NSD1: variants seen among roughly 807,000 people sequenced by gnomAD.
NSD1 encodes the protein nuclear receptor binding SET domain protein 1.
NSD1 carries 26 observed loss-of-function variants against 242.7 expected under a neutral mutation model. The ratio of observed to expected loss-of-function variants is 0.11; its 90% CI spans 0.08 to 0.15. NSD1 has a LOEUF of 0.15. Ranked by LOEUF, NSD1 falls within the 10% of genes least tolerant of loss-of-function variation. NSD1 has a pLI of 1.00. For missense variants in NSD1, 2,495 were observed against 3,272.8 expected (o/e 0.76, Z 5.80); for synonymous variants, 1,106 against 1,178.1 (o/e 0.94, Z 1.25).
At chr5:177,264,762 CA>C in intron 14 of NSD1, 1 of 733,970 alleles carries the variant, frequency 1.4e-6, no homozygotes, top group Non-Finnish European at 2.5e-6. Flanking sequence ...TGTAATTCGC[CA>C]AAATGACAAA....
At chr5:177,245,157 C>T (rs1766179054) in intron 9 of NSD1, among the ~76,000 whole-genome samples, 1 of 152,034 alleles carries the variant, frequency 6.6e-6, no homozygotes, top group South Asian at 2.1e-4. Context: ...TCCCTTGAAC[C>T]CGAGAGGTTG....
intron 3 of NSD1, among the ~76,000 whole-genome samples, chr5:177,194,068 C>T (rs1226149565): frequency 1.3e-5 from 2 of 152,202 alleles, no homozygotes; most frequent in Non-Finnish European, 2.9e-5. Context: ...TGAGCCACCA[C>T]ACCTGGCTGA....
chr5:177,262,438 A>G (rs1379211584), intron 14 of NSD1, among the ~76,000 whole-genome samples: 1 of 152,076 alleles, frequency 6.6e-6, no homozygotes, highest in Non-Finnish European at 1.5e-5. Context: ...CTGACCTCAT[A>G]AACAAAACAA....
intron 8 of NSD1, 143 bp from the exon 9 acceptor site, chr5:177,244,052 T>TGTG: frequency 1.5e-6 from 1 of 685,562 alleles, no homozygotes; most frequent in South Asian, 1.6e-5. Context: ...AACCCTTTAC[T>TGTG]GTGGTCAGGT....
chr5:177,259,832 T>C (rs1581467717), intron 13 of NSD1, among the ~76,000 whole-genome samples, 157 bp from the exon 14 acceptor site: 3 of 152,260 alleles, frequency 2.0e-5, no homozygotes, highest in East Asian at 3.8e-4. Flanking sequence ...CTGAGTTTTC[T>C]TGATGGATCG....
chr5:177,234,469 C>A (rs1765290162), intron 5 of NSD1, among the ~76,000 whole-genome samples: 1 of 152,200 alleles, frequency 6.6e-6, no homozygotes, highest in East Asian at 1.9e-4. Context: ...GTAATCCCAG[C>A]ACTTTGGGAG....
At chr5:177,168,128 T>C (rs1028426463) in intron 2 of NSD1, among the ~76,000 whole-genome samples, 3 of 152,232 alleles carry the variant, frequency 2.0e-5, no homozygotes, top group Non-Finnish European at 2.9e-5. Context: ...TTGGGATGTC[T>C]TCCCATTTCT....
chr5:177,184,255 G>A (rs1222901662), intron 2 of NSD1, among the ~76,000 whole-genome samples: 1 of 152,144 alleles, frequency 6.6e-6, no homozygotes, highest in African/African-American at 2.4e-5. Context: ...AACAACGTAT[G>A]AGGGTTCCCT....
At chr5:177,180,364 C>T (rs1488287977) in intron 2 of NSD1, among the ~76,000 whole-genome samples, 1 of 152,130 alleles carries the variant, frequency 6.6e-6, no homozygotes, top group Non-Finnish European at 1.5e-5. Flanking sequence ...CCTTGGCCTC[C>T]CAAAGTGCTG....
intron 17 of NSD1, among the ~76,000 whole-genome samples, chr5:177,277,729 T>G (rs901197713): frequency 6.6e-5 from 10 of 151,966 alleles, no homozygotes; most frequent in Admixed American, 3.9e-4. Context: ...AAAAAAAATT[T>G]GGGGTGCCTG....
At chr5:177,206,672 G>A (rs1762890044) in intron 4 of NSD1, among the ~76,000 whole-genome samples, 1 of 152,126 alleles carries the variant, frequency 6.6e-6, no homozygotes, top group East Asian at 1.9e-4. Context: ...GATGAAAGAG[G>A]TTAACGGCTT....
rs1474454763 is a variant in NSD1 at position 177,135,996 on chromosome 5, C to G, written c.893C>G (p.Thr298Ser). The change falls in exon 2 of 23, where the codon ACT becomes AGT. Residue 298 changes from threonine (T) to serine (S), a missense_variant. Thr to Ser is a moderately conservative substitution (Grantham distance 58, BLOSUM62 1). Transcript: ENST00000439151. ...GGAAACATGCTAGAATTACCTGGAA[C>G]TTCATCATCATCTACTTCACAGGAA... ...TLGNMLELPGTSSSSTSQELP... is the reference protein window; with the variant it reads ...TLGNMLELPGSSSSSTSQELP... 1 of 1,614,026 alleles carries G rather than the reference C, an allele frequency of 6.2e-7. No homozygotes were observed. Among genetic ancestry groups the G allele is most frequent in the Non-Finnish European group, 8.5e-7 (1 of 1,179,994 alleles).
intron 19 of NSD1, 105 bp downstream of exon 19, chr5:177,282,686 T>G: frequency 1.1e-6 from 1 of 891,156 alleles, no homozygotes; most frequent in Non-Finnish European, 1.9e-6. Flanking sequence ...GGTAGGGTCT[T>G]TTCCCATACC....
At chr5:177,153,561 T>G (rs12518119) in intron 2 of NSD1, among the ~76,000 whole-genome samples, 1 of 152,296 alleles carries the variant, frequency 6.6e-6, no homozygotes, top group East Asian at 1.9e-4. Flanking sequence ...ACATATTAAA[T>G]TTCTGTCTCA....
At chr5:177,189,607 A>G (rs1376778135) in intron 2 of NSD1, among the ~76,000 whole-genome samples, 1 of 152,198 alleles carries the variant, frequency 6.6e-6, no homozygotes, top group East Asian at 1.9e-4. Context: ...TGGTTCTGTC[A>G]CTTAATAACT....
intron 3 of NSD1, among the ~76,000 whole-genome samples, chr5:177,193,059 T>A (rs957335532): frequency 4.6e-5 from 7 of 152,226 alleles, no homozygotes; most frequent in African/African-American, 1.7e-4. Flanking sequence ...ATTGTTTGTT[T>A]TTCAGTTGAT....
In NSD1 at chr5:177,294,108, C is replaced by T. The variant is rs1413547021; in HGVS notation, c.6740C>T (p.Ala2247Val). 1.2e-6 allele frequency: 2 copies of T among 1,613,980 alleles called. No individual in the cohort carries two copies. Among genetic ancestry groups the T allele is most frequent in the African/African-American group, 1.3e-5 (1 of 74,912 alleles). The change falls in exon 23 of 23, where the codon GCA becomes GTA. Residue 2247 changes from alanine (A) to valine (V), a missense_variant. Coordinates refer to ENST00000439151, the MANE Select transcript of NSD1 (RefSeq NM_022455.5). Reference sequence around the variant, plus strand: ...CAATCAACAGGAATGGCTGCTCAGGCACCCAAAATGTCAGATAAACCTCCT... The same window carrying T: ...CAATCAACAGGAATGGCTGCTCAGGTACCCAAAATGTCAGATAAACCTCCT... ...AEQSTGMAAQ[A>V]PKMSDKPPAD... is the part of the protein sequence containing the mutation.
At chr5:177,291,607 C>T (rs923881447) in intron 21 of NSD1, among the ~76,000 whole-genome samples, 8 of 152,234 alleles carry the variant, frequency 5.3e-5, no homozygotes, top group Non-Finnish European at 7.4e-5. Context: ...GAGCCGAGAT[C>T]GCGCCACTGC....
chr5:177,133,886 C>T lies in NSD1; in HGVS notation c.-84C>T, dbSNP rs1450185168. 1 of 151,132 alleles carries T rather than the reference C, an allele frequency of 6.6e-6. No individual in the cohort carries two copies. Among genetic ancestry groups the T allele is most frequent in the African/African-American group, 2.4e-5 (1 of 41,166 alleles). The allele number at this position is 151,132 out of a possible 1,614,324, so 9.4% of individuals were successfully genotyped here. A position where few individuals can be genotyped will look rare whatever the true frequency, so the allele number is the denominator to read the frequency against. ...GCCCCGCTCTCTCCCCACCGCTCCG[C>T]TCGCACCCCAGTGTAATGAGGGTCA... On this transcript the variant is annotated 5_prime_UTR_variant, in exon 1 of 23. Coordinates refer to ENST00000439151, the MANE Select transcript of NSD1 (RefSeq NM_022455.5). This position sits in a 1 kb window ranked among gnomAD's most constrained non-coding sequence, Gnocchi z 6.2.
Sources: gnomAD v4.1 joint callset for allele counts (sites outside exome capture counted in the v4.1 genomes callset) on GRCh38, gnomAD v4.1.1 for gene constraint, Gnocchi (gnomAD v3.1) non-coding constraint, MANE v1.5 for transcripts, NCBI Gene and HGNC (gene_info 2026-07-23, HGNC 2026-07-21) for gene names.